The following CTIF variants were observed in gnomAD, a reference collection of about 807,000 sequenced individuals.
The protein encoded by CTIF is cap binding complex dependent translation initiation factor, also known as CBP80/20-dependent translation initiation factor.
In CTIF, 21 loss-of-function variants were observed where a neutral mutation model predicts 66.0. The ratio of observed to expected loss-of-function variants is 0.32; its 90% CI spans 0.23 to 0.46. CTIF has a LOEUF of 0.46. Among genes scored for constraint, CTIF ranks in the 20% least tolerant of loss-of-function variants. CTIF has a pLI of 1.00. For missense variants in CTIF, 739 were observed against 812.7 expected (o/e 0.91, Z 1.10); for synonymous variants, 345 against 326.4 (o/e 1.06, Z -0.62).
intron 1 of CTIF, among the ~76,000 whole-genome samples, chr18:48,581,394 C>T (rs2089653322): frequency 2.0e-5 from 3 of 152,170 alleles, no homozygotes; most frequent in South Asian, 2.1e-4. Context: ...CTGCCCTCAT[C>T]TTATCTCTGG....
chr18:48,601,447 T>A (rs922813374), intron 1 of CTIF, among the ~76,000 whole-genome samples: 1 of 152,222 alleles, frequency 6.6e-6, no homozygotes, highest in Non-Finnish European at 1.5e-5. Flanking sequence ...GGCGATCTGA[T>A]GGGAAAGCTG....
chr18:48,733,662 TGAG>T (rs1383221855), intron 7 of CTIF, among the ~76,000 whole-genome samples: 3 of 152,132 alleles, frequency 2.0e-5, no homozygotes, highest in Non-Finnish European at 4.4e-5. Context: ...CTAGGATTAT[TGAG>T]GAGAAGGAGG....
At chr18:48,834,837 C>A (rs1026412043) in intron 10 of CTIF, 4 of 152,666 alleles carry the variant, frequency 2.6e-5, no homozygotes. Context: ...GTGGATGTGT[C>A]CCCCGGAGCC....
rs139082687 is a variant in CTIF at position 48,637,759 on chromosome 18, T to A, written c.252+1074T>A. On this transcript the variant is annotated intron_variant, in intron 3 of 11. Transcript: ENST00000256413. ...GTTCTTTCACGTGACAAAATGTGCT[T>A]GTACGTCTTGTTTCTTAAGAAGGAG... is the stretch of plus-strand genomic sequence containing the variant. 1.0e-2 allele frequency among the ~76,000 whole-genome samples: 1,518 copies of A among 152,160 alleles called. 16 individuals are homozygous for A. Among genetic ancestry groups the A allele is most frequent in the African/African-American group, 0.033 (1,362 of 41,488 alleles).
At chr18:48,787,588 G>A (rs895414890) in intron 9 of CTIF, among the ~76,000 whole-genome samples, 1 of 152,268 alleles carries the variant, frequency 6.6e-6, no homozygotes, top group African/African-American at 2.4e-5. Context: ...ACCGTGACGG[G>A]CCCCAGCTCC....
rs1041186569 is a variant in CTIF, at chr18:48,633,322, A to G, written c.181-3292A>G. ...CAGAAACTACTCCAATATATAAAGC[A>G]GAGGGATTATAGTTACAGTACTTTA... On this transcript the variant is annotated intron_variant, in intron 2 of 11. Coordinates refer to ENST00000256413, the MANE Select transcript of CTIF (RefSeq NM_014772.3). Among the ~76,000 whole-genome samples, 4 of 152,360 alleles carry G rather than the reference A, an allele frequency of 2.6e-5. No homozygotes were observed. In the South Asian group the frequency reaches 8.3e-4, roughly 32 times the overall value.
intron 10 of CTIF, among the ~76,000 whole-genome samples, chr18:48,833,474 C>T (rs919855063): frequency 3.9e-5 from 6 of 152,048 alleles, no homozygotes; most frequent in Admixed American, 3.3e-4. Context: ...CTCTAAATGC[C>T]CCCCTGCCCC....
chr18:48,815,274 G>A (rs1203693228), intron 9 of CTIF, among the ~76,000 whole-genome samples: 4 of 152,178 alleles, frequency 2.6e-5, no homozygotes, highest in Non-Finnish European at 4.4e-5. Context: ...GAGAAAAAAT[G>A]TTTGGTCTCC....
At chr18:48,659,893 C>A (rs189013778) in intron 3 of CTIF, among the ~76,000 whole-genome samples, 1 of 152,300 alleles carries the variant, frequency 6.6e-6, no homozygotes, top group Admixed American at 6.5e-5. Context: ...GGTTTCTTGT[C>A]ATTTAAATAT....
At chr18:48,768,895 C>T (rs930203754) in intron 9 of CTIF, among the ~76,000 whole-genome samples, 1 of 152,234 alleles carries the variant, frequency 6.6e-6, no homozygotes, top group South Asian at 2.1e-4. Flanking sequence ...CAGAGTGAGA[C>T]TCTAAAAAAC....
chr18:48,560,491 C>T (rs1210421616), intron 1 of CTIF, among the ~76,000 whole-genome samples: 3 of 152,154 alleles, frequency 2.0e-5, no homozygotes, highest in Non-Finnish European at 4.4e-5. Context: ...TCCCAAAGTG[C>T]TGGGATTACA....
At chr18:48,672,684 A>G (rs2091555415) in intron 6 of CTIF, among the ~76,000 whole-genome samples, 1 of 152,140 alleles carries the variant, frequency 6.6e-6, no homozygotes, top group Non-Finnish European at 1.5e-5. Context: ...GGTTGGCCTC[A>G]AGCCCATTGC....
At chr18:48,672,608 G>C (rs1218740085) in intron 6 of CTIF, among the ~76,000 whole-genome samples, 1 of 152,096 alleles carries the variant, frequency 6.6e-6, no homozygotes, top group African/African-American at 2.4e-5. Context: ...GACTTTCTTA[G>C]ACAAAAATCA....
intron 6 of CTIF, among the ~76,000 whole-genome samples, chr18:48,705,309 G>A (rs1215690559): frequency 6.6e-6 from 1 of 152,130 alleles, no homozygotes; most frequent in Non-Finnish European, 1.5e-5. Context: ...CTGGGCTTGT[G>A]TCTGCCTCAC....
intron 6 of CTIF, among the ~76,000 whole-genome samples, chr18:48,711,115 C>G (rs973622530): frequency 3.3e-5 from 5 of 152,176 alleles, no homozygotes; most frequent in African/African-American, 1.2e-4. Flanking sequence ...GTTTAGGAGA[C>G]AAATTTCCTC....
At chr18:48,820,189 C>T (rs1437615301) in intron 10 of CTIF, among the ~76,000 whole-genome samples, 2 of 152,176 alleles carry the variant, frequency 1.3e-5, no homozygotes, top group African/African-American at 2.4e-5. Context: ...TTCCCTAAAA[C>T]TGGGCCAAAA....
intron 9 of CTIF, among the ~76,000 whole-genome samples, chr18:48,795,871 C>A (rs992555232): frequency 1.3e-5 from 2 of 152,184 alleles, no homozygotes; most frequent in African/African-American, 4.8e-5. Context: ...CATCCACACC[C>A]TGGGAAAGCC....
At chr18:48,626,280 C>T (rs955342341) in intron 2 of CTIF, among the ~76,000 whole-genome samples, 2 of 152,116 alleles carry the variant, frequency 1.3e-5, no homozygotes, top group Non-Finnish European at 2.9e-5. Flanking sequence ...GGATTACAGG[C>T]GTGAGCCACC....
At chr18:48,560,882 A>G (rs755227274) in intron 1 of CTIF, among the ~76,000 whole-genome samples, 15 of 152,116 alleles carry the variant, frequency 9.9e-5, no homozygotes, top group Non-Finnish European at 1.5e-4. Flanking sequence ...ATCCTTCCTT[A>G]TTACAGACCT....
Sources: allele counts gnomAD v4.1 joint callset (sites outside exome capture counted in the v4.1 genomes callset), GRCh38; gene constraint gnomAD v4.1.1; transcripts MANE v1.5; gene names NCBI Gene and HGNC (gene_info 2026-07-23, HGNC 2026-07-21).